PREP: variants seen among roughly 807,000 people sequenced by gnomAD.
The protein encoded by PREP is dJ355L5.1 (prolyl endopeptidase).
Under a neutral mutation model 87.6 loss-of-function variants are expected in PREP, and 29 were observed. The ratio of observed to expected loss-of-function variants is 0.33; its 90% CI spans 0.25 to 0.45. The LOEUF (loss-of-function observed/expected upper bound fraction) is 0.45, where lower values mean the gene tolerates loss of function less well. Among genes scored for constraint, PREP ranks in the 20% least tolerant of loss-of-function variants. The pLI, the probability that PREP is intolerant of heterozygous loss-of-function variation, is 1.00. For synonymous variants in PREP, 337 were observed against 328.6 expected (o/e 1.03, Z -0.28); for missense variants, 695 against 886.5 (o/e 0.78, Z 2.74).
intron 10 of PREP, among the ~76,000 whole-genome samples, chr6:105,311,251 T>A (rs1770755399): frequency 2.0e-5 from 3 of 152,176 alleles, no homozygotes; most frequent in Admixed American, 6.5e-5. Flanking sequence ...CTCTCTCCAG[T>A]ATAAAACTCT....
At chr6:105,285,645 C>T (rs1268390929) in intron 11 of PREP, 65 bp from the exon 12 acceptor site, 8 of 1,352,828 alleles carry the variant, frequency 5.9e-6, no homozygotes, top group Non-Finnish European at 8.4e-6. Flanking sequence ...CCCTCTCTCT[C>T]CATCTCAAAA....
intron 2 of PREP, among the ~76,000 whole-genome samples, chr6:105,391,277 G>A (rs2114730234): frequency 1.3e-5 from 2 of 152,176 alleles, no homozygotes; most frequent in South Asian, 4.2e-4. Flanking sequence ...AGCTACTCAG[G>A]AGGCTGAGGC....
At chr6:105,289,952 G>A (rs1033008210) in intron 10 of PREP, among the ~76,000 whole-genome samples, 1 of 152,272 alleles carries the variant, frequency 6.6e-6, no homozygotes, top group South Asian at 2.1e-4. Flanking sequence ...GGTGGGGGAA[G>A]GGCGGAGGGG....
chr6:105,387,754 G>A (rs1773040693), intron 2 of PREP, among the ~76,000 whole-genome samples: 2 of 152,192 alleles, frequency 1.3e-5, no homozygotes, highest in Admixed American at 1.3e-4. Flanking sequence ...TGTGGCCGGT[G>A]GGCCGCAGGC....
At chr6:105,388,948 G>T (rs1773071425) in intron 2 of PREP, among the ~76,000 whole-genome samples, 1 of 152,040 alleles carries the variant, frequency 6.6e-6, no homozygotes, top group Non-Finnish European at 1.5e-5. Context: ...CTACACTTGG[G>T]AACAATAAAA....
intron 10 of PREP, among the ~76,000 whole-genome samples, chr6:105,313,878 T>C (rs189816257): frequency 9.2e-5 from 14 of 152,334 alleles, no homozygotes; most frequent in African/African-American, 3.1e-4. Context: ...AATAAAGTTT[T>C]ATTTTATTTC....
intron 10 of PREP, among the ~76,000 whole-genome samples, chr6:105,297,936 G>A (rs1770444813): frequency 6.6e-6 from 1 of 152,198 alleles, no homozygotes. Flanking sequence ...CTATCTTAGA[G>A]TACATCGATA....
rs552446147 is a variant in PREP, at chr6:105,354,802, A to G, written c.718-1725T>C. On this transcript the variant is annotated intron_variant, in intron 6 of 14. Coordinates refer to ENST00000652536, the MANE Select transcript of PREP (RefSeq NM_002726.5). Reference sequence around the variant, plus strand: ...CCTTAAACAAATCCTCTCTATGTATATATATACATACATACACACATCCTA... The same window carrying G: ...CCTTAAACAAATCCTCTCTATGTATGTATATACATACATACACACATCCTA... 1.1e-4 allele frequency among the ~76,000 whole-genome samples: 17 copies of G among 152,222 alleles called. No homozygotes were observed. In the South Asian group the frequency reaches 3.5e-3, roughly 32 times the overall value.
At chr6:105,379,807 C>T (rs925811641) in intron 2 of PREP, among the ~76,000 whole-genome samples, 2 of 152,180 alleles carry the variant, frequency 1.3e-5, no homozygotes, top group African/African-American at 4.8e-5. Flanking sequence ...GCTAAAATCC[C>T]TGTCATCACG....
chr6:105,370,157 T>C (rs1772497218), intron 5 of PREP, among the ~76,000 whole-genome samples: 1 of 151,422 alleles, frequency 6.6e-6, no homozygotes, highest in Admixed American at 6.6e-5. Flanking sequence ...GAGTCTGAGA[T>C]ACAAGAATTG....
intron 6 of PREP, among the ~76,000 whole-genome samples, chr6:105,366,705 G>T (rs1323656074): frequency 6.8e-6 from 1 of 147,242 alleles, no homozygotes; most frequent in Non-Finnish European, 1.5e-5. Context: ...AGGGATGAAT[G>T]GATAAATAAA....
In PREP at chr6:105,278,094, G is replaced by A. The variant is rs886323677; in HGVS notation, c.*50C>T. 5.1e-6 allele frequency: 8 copies of A among 1,565,040 alleles called. No individual in the cohort carries two copies. Among genetic ancestry groups the A allele is most frequent in the Non-Finnish European group, 6.9e-6 (8 of 1,151,372 alleles). The stretch of plus-strand genomic sequence containing the variant: ...CAGTGGTTTCTTGGTGTCAACGTGG[G>A]AAAGCCCTTGAGGTTTTCTGTCGCT... On this transcript the variant is annotated 3_prime_UTR_variant, in exon 15 of 15. Transcript: ENST00000652536. This position sits in a 1 kb window ranked among gnomAD's most constrained non-coding sequence, Gnocchi z 4.2.
At chr6:105,312,113 A>G (rs928902012) in intron 10 of PREP, among the ~76,000 whole-genome samples, 2 of 152,264 alleles carry the variant, frequency 1.3e-5, no homozygotes, top group African/African-American at 4.8e-5. Flanking sequence ...TGTAGGTAGC[A>G]CATATATAAT....
At chr6:105,341,233 TC>T (rs541498862) in intron 7 of PREP, among the ~76,000 whole-genome samples, 107 of 152,298 alleles carry the variant, frequency 7.0e-4, no homozygotes, top group Non-Finnish European at 1.3e-3. Context: ...ATTAAGAAAC[TC>T]ACTCAAAACT....
In PREP at chr6:105,377,428, T is replaced by A; in HGVS notation, c.212A>T (p.Tyr71Phe). 1.9e-6 allele frequency: 3 copies of A among 1,613,762 alleles called. No individual in the cohort carries two copies. Among genetic ancestry groups the A allele is most frequent in the Non-Finnish European group, 2.5e-6 (3 of 1,179,736 alleles). ...GLYKERMTEL[Y>F]DYPKYSCHFK... ...GTGGCAACTATACTTGGGATAATCA[T>A]ATAGTTCAGTCATTCTCTCTTTGTA... Residue 71 changes from tyrosine to phenylalanine, a missense_variant, in exon 3 of 15, where the codon TAT (tyrosine) becomes TTT (phenylalanine). Physicochemically the swap from Tyr to Phe is conservative, Grantham distance 22. Coordinates refer to ENST00000652536, the MANE Select transcript of PREP (RefSeq NM_002726.5).
chr6:105,368,020 C>T (rs560580517), intron 6 of PREP, among the ~76,000 whole-genome samples: 1 of 152,272 alleles, frequency 6.6e-6, no homozygotes, highest in South Asian at 2.1e-4. Flanking sequence ...AGATCAATTC[C>T]CATGGAATAA....
chr6:105,316,779 T>C (rs1770881304), intron 10 of PREP, among the ~76,000 whole-genome samples: 1 of 152,164 alleles, frequency 6.6e-6, no homozygotes, highest in Non-Finnish European at 1.5e-5. Context: ...AAATCATATT[T>C]ACAAATCATA....
chr6:105,379,245 G>GT (rs1486278509), intron 2 of PREP, among the ~76,000 whole-genome samples: 2 of 152,148 alleles, frequency 1.3e-5, no homozygotes, highest in Non-Finnish European at 2.9e-5. Flanking sequence ...AATGGTTTTT[G>GT]TATTTTCAAA....
chr6:105,384,687 A>C (rs1467223957), intron 2 of PREP, among the ~76,000 whole-genome samples: 1 of 152,160 alleles, frequency 6.6e-6, no homozygotes, highest in Non-Finnish European at 1.5e-5. Context: ...AAACAATCAG[A>C]ATCCTTTTTT....
Sources: gnomAD v4.1 joint callset for allele counts (sites outside exome capture counted in the v4.1 genomes callset) on GRCh38, gnomAD v4.1.1 for gene constraint, Gnocchi (gnomAD v3.1) non-coding constraint, MANE v1.5 for transcripts, NCBI Gene and HGNC (gene_info 2026-07-23, HGNC 2026-07-21) for gene names.